Variants in EYS observed in about 807,000 individuals in gnomAD.
EYS encodes protein eyes shut homolog.
A neutral mutation model predicts 282.1 loss-of-function variants in EYS; 250 were observed. That is an observed-to-expected ratio of 0.89 (90% CI 0.80 to 0.98). The LOEUF (loss-of-function observed/expected upper bound fraction) is 0.98. Among genes scored for constraint, EYS ranks in the 50% least tolerant of loss-of-function variants. The probability of loss-of-function intolerance (pLI) is 0.00; values close to 1 mark genes in which losing one functional copy is unlikely to be tolerated. For synonymous variants in EYS, 1,355 were observed against 1,282.9 expected (o/e 1.06, Z -1.20); for missense variants, 4,016 against 3,709.0 (o/e 1.08, Z -2.15).
intron 33 of EYS, among the ~76,000 whole-genome samples, chr6:64,011,381 G>A (rs1298991634): frequency 6.6e-6 from 1 of 152,064 alleles, no homozygotes; most frequent in Non-Finnish European, 1.5e-5. Context: ...ATAGAAAATT[G>A]TCTTTAATTT....
At chr6:64,936,332 C>A (rs1045239031) in intron 15 of EYS, among the ~76,000 whole-genome samples, 1 of 151,408 alleles carries the variant, frequency 6.6e-6, no homozygotes, top group Non-Finnish European at 1.5e-5. Flanking sequence ...AAATCTACAG[C>A]TAACATCATA....
intron 12 of EYS, among the ~76,000 whole-genome samples, chr6:65,157,882 T>C (rs1764764820): frequency 6.6e-6 from 1 of 150,782 alleles, no homozygotes; most frequent in Non-Finnish European, 1.5e-5. Context: ...TAAGGTACTG[T>C]TCTTGAGCCT....
At chr6:65,410,598 CTT>C (rs375882636) in intron 5 of EYS, among the ~76,000 whole-genome samples, 17 of 133,486 alleles carry the variant, frequency 1.3e-4, no homozygotes, top group Non-Finnish European at 1.1e-4. Context: ...ATGATACTAG[CTT>C]TTTTTTTTTT....
chr6:63,844,264 AT>A (rs1460048547), intron 36 of EYS, among the ~76,000 whole-genome samples: 18 of 152,268 alleles, frequency 1.2e-4, no homozygotes, highest in Admixed American at 8.5e-4. Flanking sequence ...ATTGATGGGC[AT>A]TTTGGTTGAT....
chr6:64,324,320 G>C (rs546863531), intron 29 of EYS, among the ~76,000 whole-genome samples: 1 of 152,202 alleles, frequency 6.6e-6, no homozygotes, highest in African/African-American at 2.4e-5. Flanking sequence ...ATGCAAAGTT[G>C]GTTCAACATA....
intron 19 of EYS, among the ~76,000 whole-genome samples, chr6:64,862,170 C>T (rs1288624373): frequency 1.3e-5 from 2 of 152,162 alleles, no homozygotes; most frequent in East Asian, 3.9e-4. Context: ...AGGTGCAATG[C>T]CTATTCTTGT....
At chr6:64,466,467 G>A (rs371114641) in intron 26 of EYS, among the ~76,000 whole-genome samples, 1 of 152,054 alleles carries the variant, frequency 6.6e-6, no homozygotes, top group Non-Finnish European at 1.5e-5. Flanking sequence ...GATGAAGTTG[G>A]GGAGCACCAT....
chr6:65,329,207 G>A, intron 11 of EYS: 1 of 332,626 alleles, frequency 3.0e-6, no homozygotes, highest in South Asian at 1.2e-4. Context: ...ATGTATTTGG[G>A]AAAAATATAT....
At position 64,195,345 on chromosome 6, in the gene EYS, C is replaced by T. The variant is rs185358483; in HGVS notation, c.6424+35247G>A. On this transcript the variant is annotated intron_variant, in intron 31 of 42. Transcript: ENST00000503581. ...TGTATTTGAGGTATATACTGTCACC[C>T]AGGCTGGTGTGCAGAGGCACGATCT... 1.8e-3 allele frequency among the ~76,000 whole-genome samples: 279 copies of T among 152,264 alleles called. 2 individuals carry two copies. In the South Asian group the frequency reaches 0.021, roughly 11 times the overall value.
intron 26 of EYS, among the ~76,000 whole-genome samples, chr6:64,581,454 G>A (rs1008752648): frequency 6.6e-6 from 1 of 151,866 alleles, no homozygotes; most frequent in Non-Finnish European, 1.5e-5. Flanking sequence ...TTTGTTTTAT[G>A]GTCTTTATCT....
rs149421359 is a variant in EYS, at chr6:65,405,214, A to G, written c.1016T>C (p.Val339Ala). Residue 339 changes from valine (V) to alanine (A), a missense_variant, in exon 6 of 43, where the codon GTA becomes GCA. Physicochemically the swap from Val to Ala is moderately conservative, Grantham distance 64. Coordinates refer to ENST00000503581, the MANE Select transcript of EYS (RefSeq NM_001142800.2). The stretch of plus-strand genomic sequence containing the variant: ...GCAGTCAGTACCATTCTGACATGGT[A>G]CTAATGAAAACTCACTGACATCAGT... ...GETDVSEFSL[V>A]PCQNGTDCIK... 6.2e-7 allele frequency: 1 copy of G among 1,613,252 alleles called. No homozygotes were observed. Among genetic ancestry groups the G allele is most frequent in the Non-Finnish European group, 8.5e-7 (1 of 1,179,426 alleles).
intron 35 of EYS, among the ~76,000 whole-genome samples, chr6:63,895,905 G>GTTT (rs10705427): frequency 8.0e-5 from 10 of 124,356 alleles, no homozygotes; most frequent in African/African-American, 2.2e-4. Context: ...ATCATGATTT[G>GTTT]TTTTTTTTTT....
intron 2 of EYS, among the ~76,000 whole-genome samples, chr6:65,600,690 T>A (rs1457459525): frequency 1.3e-5 from 2 of 152,046 alleles, no homozygotes; most frequent in Non-Finnish European, 2.9e-5. Context: ...AAATTGTACC[T>A]CTGATTTCAA....
intron 31 of EYS, among the ~76,000 whole-genome samples, chr6:64,184,516 C>T (rs906120888): frequency 1.3e-4 from 19 of 151,638 alleles, no homozygotes; most frequent in Admixed American, 6.6e-4. Context: ...TCGCTTTCTG[C>T]GTTCTTTGAA....
chr6:63,965,543 C>A (rs1766265931), intron 35 of EYS, among the ~76,000 whole-genome samples: 3 of 152,124 alleles, frequency 2.0e-5, no homozygotes, highest in African/African-American at 7.2e-5. Context: ...GTCCTTCTTT[C>A]TCTTGTAAGA....
At chr6:64,021,326 G>A (rs1430683242) in intron 33 of EYS, among the ~76,000 whole-genome samples, 2 of 151,832 alleles carry the variant, frequency 1.3e-5, no homozygotes, top group Non-Finnish European at 2.9e-5. Flanking sequence ...TAGACTGGGG[G>A]GAGTTTGCTT....
At position 65,276,540 on chromosome 6, in the gene EYS, G is replaced by C. The variant is rs551567869; in HGVS notation, c.2023+19323C>G. Among the ~76,000 whole-genome samples the C allele has an allele frequency of 2.6e-5, 4 of 152,210 alleles. No homozygotes were observed. In the South Asian group the frequency reaches 8.3e-4, roughly 32 times the overall value. On this transcript the variant is annotated intron_variant, in intron 12 of 42. Transcript: ENST00000503581. ...CTGTAGTTATTGACTCTGACTACTAGAGTAGATTGGTCTACTGTTTTACAA... is the reference window on the plus strand; with the variant it reads ...CTGTAGTTATTGACTCTGACTACTACAGTAGATTGGTCTACTGTTTTACAA...
At chr6:64,845,134 T>A (rs1765680001) in intron 19 of EYS, among the ~76,000 whole-genome samples, 1 of 151,884 alleles carries the variant, frequency 6.6e-6, no homozygotes, top group Admixed American at 6.6e-5. Flanking sequence ...ATAAAACAAA[T>A]TTAAAAATTA....
chr6:64,917,154 CAGG>C (rs1203442435), intron 15 of EYS, among the ~76,000 whole-genome samples: 1 of 151,548 alleles, frequency 6.6e-6, no homozygotes, highest in Non-Finnish European at 1.5e-5. Context: ...GAGGCTGAAG[CAGG>C]AGAATTGCTT....
Sources: allele counts gnomAD v4.1 joint callset (sites outside exome capture counted in the v4.1 genomes callset), GRCh38; gene constraint gnomAD v4.1.1; transcripts MANE v1.5; gene names NCBI Gene and HGNC (gene_info 2026-07-23, HGNC 2026-07-21).